Variants in NCAM1 observed in about 807,000 individuals in gnomAD.
NCAM1 encodes neural cell adhesion molecule 1.
In NCAM1, 14 loss-of-function variants were observed where a neutral mutation model predicts 109.8. That is an observed-to-expected ratio of 0.13 (90% CI 0.08 to 0.20). The LOEUF is 0.20. Among genes scored for constraint, NCAM1 ranks in the 10% least tolerant of loss-of-function variants. NCAM1 has a pLI of 1.00. For missense variants in NCAM1, 774 were observed against 1,109.9 expected (o/e 0.70, Z 4.30); for synonymous variants, 418 against 442.9 (o/e 0.94, Z 0.70).
At chr11:113,268,167 C>G (rs139035706) in intron 17 of NCAM1, among the ~76,000 whole-genome samples, 8 of 152,202 alleles carry the variant, frequency 5.3e-5, no homozygotes, top group Non-Finnish European at 1.2e-4. Context: ...AGGCCTGTGT[C>G]TCCTTTGCTT....
At chr11:113,077,685 G>T (rs1382269027) in intron 1 of NCAM1, among the ~76,000 whole-genome samples, 1 of 91,542 alleles carries the variant, frequency 1.1e-5, no homozygotes, top group Non-Finnish European at 2.1e-5. Context: ...TGTTAAGGAA[G>T]TACTTTTTTT....
chr11:113,143,974 A>C (rs1399064627), intron 1 of NCAM1, among the ~76,000 whole-genome samples: 5 of 152,172 alleles, frequency 3.3e-5, no homozygotes, highest in Admixed American at 6.5e-5. Flanking sequence ...AAGGCAAGTG[A>C]CAGCATATCT....
At chr11:113,078,815 G>A (rs1938651094) in intron 1 of NCAM1, among the ~76,000 whole-genome samples, 1 of 152,118 alleles carries the variant, frequency 6.6e-6, no homozygotes, top group Non-Finnish European at 1.5e-5. Flanking sequence ...CAATCTTCTA[G>A]GCTGTCCAGT....
intron 1 of NCAM1, among the ~76,000 whole-genome samples, chr11:113,009,312 GTTTTTTT>G (rs781818836): frequency 2.5e-5 from 2 of 79,656 alleles, no homozygotes; most frequent in Non-Finnish European, 4.7e-5. Flanking sequence ...GTTTTTTCGG[GTTTTTTT>G]TTTTTTTTTT....
At chr11:113,242,513 G>A (rs191549098) in intron 14 of NCAM1, among the ~76,000 whole-genome samples, 94 of 152,252 alleles carry the variant, frequency 6.2e-4, no homozygotes, top group African/African-American at 2.1e-3. Flanking sequence ...GGGAGGCTGA[G>A]GCAGGAGAAT....
intron 1 of NCAM1, among the ~76,000 whole-genome samples, chr11:113,114,684 C>T (rs1281304120): frequency 6.6e-6 from 1 of 152,200 alleles, no homozygotes; most frequent in Non-Finnish European, 1.5e-5. Flanking sequence ...GAGAGCACCT[C>T]ACTCACTGCA....
chr11:113,186,035 A>AT (rs568935625), intron 1 of NCAM1, among the ~76,000 whole-genome samples: 223 of 152,278 alleles, frequency 1.5e-3, no homozygotes, highest in African/African-American at 5.0e-3. Context: ...TCATAATATG[A>AT]TTTTCAGGTT....
At chr11:113,126,634 G>A (rs1245797766) in intron 1 of NCAM1, among the ~76,000 whole-genome samples, 2 of 152,062 alleles carry the variant, frequency 1.3e-5, no homozygotes, top group Non-Finnish European at 2.9e-5. Context: ...ACAAATTATC[G>A]AGTTTCTCTT....
intron 1 of NCAM1, among the ~76,000 whole-genome samples, chr11:113,075,984 G>T (rs1938507316): frequency 6.6e-6 from 1 of 152,074 alleles, no homozygotes; most frequent in African/African-American, 2.4e-5. Flanking sequence ...GAAAAAAAAA[G>T]AATTTCAGAT....
intron 1 of NCAM1, among the ~76,000 whole-genome samples, chr11:113,184,498 AACTC>A (rs1413108753): frequency 3.9e-5 from 6 of 152,194 alleles, no homozygotes; most frequent in Non-Finnish European, 8.8e-5. Context: ...ATTTATAGCT[AACTC>A]AGAATTTCTA....
At chr11:113,146,805 G>T (rs1399032129) in intron 1 of NCAM1, among the ~76,000 whole-genome samples, 1 of 151,964 alleles carries the variant, frequency 6.6e-6, no homozygotes, top group Non-Finnish European at 1.5e-5. Flanking sequence ...TTAGCAGGTC[G>T]GTTTGCCTAT....
chr11:113,075,569 G>A (rs373872803), intron 1 of NCAM1, among the ~76,000 whole-genome samples: 3 of 152,132 alleles, frequency 2.0e-5, no homozygotes, highest in South Asian at 4.1e-4. Flanking sequence ...GGTCTTTAGA[G>A]GAAGGCTCTC....
intron 1 of NCAM1, among the ~76,000 whole-genome samples, chr11:113,109,186 A>G (rs554642716): frequency 5.3e-5 from 8 of 151,742 alleles, no homozygotes; most frequent in African/African-American, 1.9e-4. Flanking sequence ...TGTCTCTACT[A>G]AAAATACAAA....
chr11:113,269,886 C>G (rs1329793795), intron 17 of NCAM1: 5 of 450,682 alleles, frequency 1.1e-5, no homozygotes, highest in Non-Finnish European at 2.0e-5. Context: ...CCTCATTATC[C>G]GGTGTTCTCA....
At chr11:113,202,539 G>A in intron 2 of NCAM1, 86 bp downstream of exon 2, 4 of 1,215,800 alleles carry the variant, frequency 3.3e-6, no homozygotes, top group Non-Finnish European at 4.6e-6. Flanking sequence ...ATGTGAGCTG[G>A]CTGGTCAAGC....
At chr11:113,015,729 T>TA (rs1296356406) in intron 1 of NCAM1, among the ~76,000 whole-genome samples, 12 of 149,088 alleles carry the variant, frequency 8.0e-5, no homozygotes, top group Admixed American at 3.4e-4. Flanking sequence ...AGACTCCATC[T>TA]AAAAAAAAAC....
chr11:113,162,235 T>TCAAAA (rs1424571677), intron 1 of NCAM1, among the ~76,000 whole-genome samples: 26 of 152,112 alleles, frequency 1.7e-4, no homozygotes, highest in Non-Finnish European at 3.4e-4. Flanking sequence ...GCTAAAAATA[T>TCAAAA]CAAAACATGA....
At chr11:113,256,034 C>T (rs782808166) in intron 16 of NCAM1, 33 bp downstream of exon 16, 4 of 1,574,814 alleles carry the variant, frequency 2.5e-6, no homozygotes, top group Middle Eastern at 1.7e-4. Flanking sequence ...TTCACCAGAA[C>T]CCTGCAACCC....
chr11:113,185,585 G>A (rs1555108739), intron 1 of NCAM1, among the ~76,000 whole-genome samples: 3 of 152,134 alleles, frequency 2.0e-5, no homozygotes, highest in Non-Finnish European at 2.9e-5. Flanking sequence ...AAGTGTTACA[G>A]GGACAAACGT....
Sources: gnomAD v4.1 joint callset for allele counts (sites outside exome capture counted in the v4.1 genomes callset) on GRCh38, gnomAD v4.1.1 for gene constraint, MANE v1.5 for transcripts, NCBI Gene and HGNC (gene_info 2026-07-23, HGNC 2026-07-21) for gene names.